Variants in CDC20B observed in about 807,000 individuals in gnomAD.
CDC20B encodes cell division cycle protein 20 homolog B.
Under a neutral mutation model 64.1 loss-of-function variants are expected in CDC20B, and 58 were observed. That is an observed-to-expected ratio of 0.90 (90% CI 0.73 to 1.13). CDC20B has a LOEUF of 1.13. Among genes scored for constraint, CDC20B ranks in the 50% most tolerant of loss-of-function variants. The probability of loss-of-function intolerance (pLI) is 0.00; values close to 1 mark genes in which losing one functional copy is unlikely to be tolerated. For synonymous variants in CDC20B, 243 were observed against 230.6 expected (o/e 1.05, Z -0.49); for missense variants, 597 against 633.0 (o/e 0.94, Z 0.61).
rs1168897480 is a variant in CDC20B, at chr5:55,113,984, AGAG to A, written c.*231_*233del. 3.5e-6 allele frequency: 2 copies of A among 566,728 alleles called. No homozygotes were observed. Among genetic ancestry groups the A allele is most frequent in the South Asian group, 5.6e-5 (2 of 35,676 alleles). 35.1% of individuals were successfully genotyped at this position (566,728 alleles called of 1,614,324 possible). On this transcript the variant is annotated 3_prime_UTR_variant, in exon 12 of 12. Coordinates refer to ENST00000381375, the MANE Select transcript of CDC20B (RefSeq NM_001170402.1). ...GAAAGGGGTAAGAATGGGAGGAAGAAGAGGAGGGGGAGGAAGAGGGGCAGAAAG... is the reference window on the plus strand; with the variant it reads ...GAAAGGGGTAAGAATGGGAGGAAGAAGAGGGGGAGGAAGAGGGGCAGAAAG...
At chr5:55,142,453 T>C (rs1318526776) in intron 4 of CDC20B, among the ~76,000 whole-genome samples, 1 of 152,192 alleles carries the variant, frequency 6.6e-6, no homozygotes, top group Non-Finnish European at 1.5e-5. Context: ...AAGGAGTATC[T>C]TGCCAACACC....
intron 2 of CDC20B, chr5:55,160,391 G>A: frequency 6.2e-7 from 1 of 1,609,484 alleles, no homozygotes. Context: ...AAAGTATAAA[G>A]GCAAAGTAAG....
Position 55,113,216 on chromosome 5 carries a change from G to A in CDC20B, c.*1002C>T, listed in dbSNP as rs1742547326. 6.6e-6 allele frequency: 1 copy of A among 152,218 alleles called. No individual in the cohort carries two copies. The highest frequency in any genetic ancestry group is 1.5e-5 in the Non-Finnish European group (1 of 68,048). 9.4% of individuals were successfully genotyped at this position (152,218 alleles called of 1,614,324 possible). ...CAAAGTCTTAATATAGGAGATGAATGTGAATTAACATTCAAAAGACAGAAC... is the reference window on the plus strand; with the variant it reads ...CAAAGTCTTAATATAGGAGATGAATATGAATTAACATTCAAAAGACAGAAC... On this transcript the variant is annotated 3_prime_UTR_variant, in exon 12 of 12. Coordinates refer to ENST00000381375, the MANE Select transcript of CDC20B (RefSeq NM_001170402.1).
At chr5:55,156,784 G>T (rs1743821278) in intron 2 of CDC20B, among the ~76,000 whole-genome samples, 1 of 152,298 alleles carries the variant, frequency 6.6e-6, no homozygotes, top group East Asian at 1.9e-4. Flanking sequence ...TGAGGCCGGA[G>T]AATCACTCAA....
At chr5:55,160,515 AATGGT>A in intron 2 of CDC20B, 1 of 695,840 alleles carries the variant, frequency 1.4e-6, no homozygotes, top group African/African-American at 1.8e-5. Context: ...TCTTCAGAGT[AATGGT>A]ATTAGTACAT....
At chr5:55,167,724 G>A (rs765052774) in intron 2 of CDC20B, among the ~76,000 whole-genome samples, 1 of 152,150 alleles carries the variant, frequency 6.6e-6, no homozygotes, top group Non-Finnish European at 1.5e-5. Context: ...TTAGCTGGGT[G>A]TAGTGGCACA....
chr5:55,172,909 G>C, intron 1 of CDC20B, 29 bp downstream of exon 1: 1 of 1,574,342 alleles, frequency 6.4e-7, no homozygotes, highest in Non-Finnish European at 8.6e-7. Flanking sequence ...TAGAGAGTTA[G>C]GGAGAATGCA....
In CDC20B at chr5:55,125,039, A is replaced by T. The variant is rs1442072644; in HGVS notation, c.990-11T>A. ...CCCAGTCTTGACCCACTGCGAGTTT[A>T]CATAACAAAAAAATTAAGCCCTGTT... On this transcript the variant is annotated splice_polypyrimidine_tract_variant and intron_variant, in intron 8 of 11. Coordinates refer to ENST00000381375, the MANE Select transcript of CDC20B (RefSeq NM_001170402.1). 1 of 1,603,116 alleles carries T rather than the reference A, an allele frequency of 6.2e-7. No homozygotes were observed. The highest frequency in any genetic ancestry group is 2.2e-5 in the East Asian group (1 of 44,602).
At chr5:55,131,486 T>C (rs979922713) in intron 6 of CDC20B, among the ~76,000 whole-genome samples, 12 of 151,166 alleles carry the variant, frequency 7.9e-5, no homozygotes, top group African/African-American at 2.7e-4. Context: ...TGAGAAAGAG[T>C]GAACAAAAGA....
intron 2 of CDC20B, chr5:55,161,153 G>C: frequency 1.2e-6 from 2 of 1,614,210 alleles, no homozygotes; most frequent in Non-Finnish European, 1.7e-6. Flanking sequence ...AAGCAAGGAA[G>C]TAGAATCTTT....
intron 1 of CDC20B, 99 bp from the exon 2 acceptor site, chr5:55,172,749 C>CCTT: frequency 1.9e-6 from 1 of 534,664 alleles, no homozygotes; most frequent in Non-Finnish European, 3.1e-6. Context: ...TCAGATTACA[C>CCTT]TTTTTTTTTT....
intron 2 of CDC20B, chr5:55,160,229 G>C (rs144559225): frequency 3.7e-6 from 6 of 1,613,846 alleles, no homozygotes; most frequent in African/African-American, 2.7e-5. Flanking sequence ...AAAATGTTCC[G>C]GGCCCAGAGC....
intron 2 of CDC20B, among the ~76,000 whole-genome samples, chr5:55,149,858 G>A (rs993888805): frequency 9.9e-5 from 15 of 152,186 alleles, no homozygotes; most frequent in African/African-American, 3.1e-4. Context: ...TTTTGGCCAG[G>A]TGCAGTGGCT....
intron 2 of CDC20B, among the ~76,000 whole-genome samples, chr5:55,147,211 GTTATGTTTTATA>G: frequency 1.0e-5 from 1 of 98,820 alleles, no homozygotes; most frequent in Admixed American, 1.3e-4. Context: ...ACATAAATAT[GTTATGTTTTATA>G]TATTTATATA....
rs551557728 is a variant in CDC20B at position 55,171,459 on chromosome 5, G to A, written c.126+1129C>T. Reference sequence around the variant, plus strand: ...GTGCACGACACAAAACTGCAGCAGTGTTTGGGGGAAAAAATCAACATTAAA... The same window carrying A: ...GTGCACGACACAAAACTGCAGCAGTATTTGGGGGAAAAAATCAACATTAAA... On this transcript the variant is annotated intron_variant, in intron 2 of 11. Coordinates refer to ENST00000381375, the MANE Select transcript of CDC20B (RefSeq NM_001170402.1). Among the ~76,000 whole-genome samples, 4 of 152,282 alleles carry A rather than the reference G, an allele frequency of 2.6e-5. No individual in the cohort carries two copies. In the South Asian group the frequency reaches 8.3e-4, roughly 32 times the overall value.
chr5:55,121,986 A>G (rs1742769815), intron 9 of CDC20B, among the ~76,000 whole-genome samples: 1 of 152,158 alleles, frequency 6.6e-6, no homozygotes, highest in Admixed American at 6.5e-5. Context: ...AACTTGCTAA[A>G]TTTACCAAAG....
chr5:55,147,233 ATT>A, intron 2 of CDC20B, among the ~76,000 whole-genome samples: 1 of 107,608 alleles, frequency 9.3e-6, no homozygotes, highest in African/African-American at 3.1e-5. Flanking sequence ...ATATTTATAT[ATT>A]ATATAAACAT....
intron 2 of CDC20B, among the ~76,000 whole-genome samples, chr5:55,156,623 C>G (rs1174961909): frequency 6.6e-6 from 1 of 152,052 alleles, no homozygotes; most frequent in African/African-American, 2.4e-5. Context: ...TGCCTGTAAT[C>G]CCAGCACTTT....
At position 55,148,402 on chromosome 5, in the gene CDC20B, T is replaced by C. The variant is rs111329620; in HGVS notation, c.127-1546A>G. 4.7e-3 allele frequency among the ~76,000 whole-genome samples: 710 copies of C among 152,270 alleles called. 12 individuals carry two copies. The highest frequency in any genetic ancestry group is 0.016 in the African/African-American group (679 of 41,564). On this transcript the variant is annotated intron_variant, in intron 2 of 11. Transcript: ENST00000381375. ...TGCATAACTTCTACTGACCCAGCAA[T>C]ATCACCTCTAAGAATTTAAAAAAGA...
Sources: allele counts gnomAD v4.1 joint callset (sites outside exome capture counted in the v4.1 genomes callset), GRCh38; gene constraint gnomAD v4.1.1; transcripts MANE v1.5; gene names NCBI Gene and HGNC (gene_info 2026-07-23, HGNC 2026-07-21).